CAMTA1: variants seen among roughly 807,000 people sequenced by gnomAD.
The protein encoded by CAMTA1 is calmodulin binding transcription activator 1.
CAMTA1 carries 27 observed loss-of-function variants against 170.9 expected under a neutral mutation model. That is an observed-to-expected ratio of 0.16 (90% CI 0.12 to 0.22). CAMTA1 has a LOEUF of 0.22. Among genes scored for constraint, CAMTA1 ranks in the 10% least tolerant of loss-of-function variants. The probability of loss-of-function intolerance (pLI) is 1.00; values close to 1 mark genes in which losing one functional copy is unlikely to be tolerated. For missense variants in CAMTA1, 1,619 were observed against 2,217.2 expected (o/e 0.73, Z 5.42); for synonymous variants, 833 against 891.5 (o/e 0.93, Z 1.17).
intron 4 of CAMTA1, among the ~76,000 whole-genome samples, chr1:7,229,746 G>T (rs775009639): frequency 6.6e-6 from 1 of 152,046 alleles, no homozygotes. Context: ...CCTTCATGAA[G>T]AACTCAATTC....
chr1:7,226,112 C>T (rs2149165368), intron 4 of CAMTA1, among the ~76,000 whole-genome samples: 1 of 152,286 alleles, frequency 6.6e-6, no homozygotes, highest in South Asian at 2.1e-4. Context: ...GGCTTTTTAA[C>T]TCTGCTCAAT....
chr1:7,737,262 C>G lies in CAMTA1; in HGVS notation c.3350C>G (p.Ala1117Gly), dbSNP rs149702154. Reference protein sequence around the residue: ...DHFSCTPLMWACALGHLEAAV... With the variant: ...DHFSCTPLMWGCALGHLEAAV... ...TGTCTCCCTGTCTTCTAGATGTGGG[C>G]GTGTGCCCTAGGGCACTTGGAAGCT... Residue 1117 changes from alanine (A) to glycine (G), a missense_variant, in exon 15 of 23, where the codon GCG (alanine) becomes GGG (glycine). Coordinates refer to ENST00000303635, the MANE Select transcript of CAMTA1 (RefSeq NM_015215.4). 1 of 1,612,968 alleles carries G rather than the reference C, an allele frequency of 6.2e-7. No individual in the cohort carries two copies. The highest frequency in any genetic ancestry group is 8.5e-7 in the Non-Finnish European group (1 of 1,179,360).
intron 3 of CAMTA1, among the ~76,000 whole-genome samples, chr1:6,991,685 T>G (rs1696393931): frequency 6.6e-6 from 1 of 152,204 alleles, no homozygotes; most frequent in African/African-American, 2.4e-5. Flanking sequence ...TTTATTTTTA[T>G]TTATTTGTTT....
rs1022723428 is a variant in CAMTA1 at position 7,767,975 on chromosome 1, T to G, written c.*1484T>G. 1.3e-5 allele frequency: 2 copies of G among 152,584 alleles called. No individual in the cohort carries two copies. The highest frequency in any genetic ancestry group is 2.9e-5 in the Non-Finnish European group (2 of 67,988). 9.5% of individuals were successfully genotyped at this position (152,584 alleles called of 1,614,324 possible). A position where few individuals can be genotyped will look rare whatever the true frequency, so the allele number is the denominator to read the frequency against. On this transcript the variant is annotated 3_prime_UTR_variant, in exon 23 of 23. Transcript: ENST00000303635. Reference sequence around the variant, plus strand: ...TAGTTTATTTTATTTAAAATTTTTTTGCCAATGGTGCCAAGTAATGTGAAT... The same window carrying G: ...TAGTTTATTTTATTTAAAATTTTTTGGCCAATGGTGCCAAGTAATGTGAAT...
Position 7,725,226 on chromosome 1 carries a change from C to G in CAMTA1, c.2915-7222C>G, listed in dbSNP as rs149224184. On this transcript the variant is annotated intron_variant, in intron 11 of 22. Coordinates refer to ENST00000303635, the MANE Select transcript of CAMTA1 (RefSeq NM_015215.4). ...GCATGAAGGTGAATGTATCCTTCCT[C>G]ATTCCCTGGAACCTTTCAGGAAAAT... 5.8e-3 allele frequency among the ~76,000 whole-genome samples: 884 copies of G among 152,360 alleles called. 6 individuals carry two copies. Among genetic ancestry groups the G allele is most frequent in the Middle Eastern group, 0.01 (3 of 294 alleles).
intron 3 of CAMTA1, among the ~76,000 whole-genome samples, chr1:6,982,212 C>A (rs1694554833): frequency 6.6e-6 from 1 of 152,150 alleles, no homozygotes; most frequent in Non-Finnish European, 1.5e-5. Flanking sequence ...CAGAGCACTC[C>A]CTGAGTGTTC....
At chr1:7,666,524 A>C (rs2096003181) in intron 9 of CAMTA1, among the ~76,000 whole-genome samples, 1 of 152,228 alleles carries the variant, frequency 6.6e-6, no homozygotes, top group Non-Finnish European at 1.5e-5. Context: ...AGAATAGCAC[A>C]GGAAGGGGAC....
At position 6,934,709 on chromosome 1, in the gene CAMTA1, C is replaced by A. The variant is rs947246213; in HGVS notation, c.234+109499C>A. Reference sequence around the variant, plus strand: ...CCTCCCCTCTCTCCCCTCTTATGCCCGCACCATGGCTTTACCTAGCCCTGC... The same window carrying A: ...CCTCCCCTCTCTCCCCTCTTATGCCAGCACCATGGCTTTACCTAGCCCTGC... On this transcript the variant is annotated intron_variant, in intron 3 of 22. Coordinates refer to ENST00000303635, the MANE Select transcript of CAMTA1 (RefSeq NM_015215.4). This position sits in a 1 kb window ranked among gnomAD's most constrained non-coding sequence, Gnocchi z 4.5. Among the ~76,000 whole-genome samples the A allele has an allele frequency of 2.6e-4, 39 of 152,080 alleles. No homozygotes were observed. The highest frequency in any genetic ancestry group is 8.9e-4 in the African/African-American group (37 of 41,410).
At position 7,574,730 on chromosome 1, in the gene CAMTA1, T is replaced by C. The variant is rs2095169833; in HGVS notation, c.511-65670T>C. Among the ~76,000 whole-genome samples the C allele has an allele frequency of 2.0e-5, 3 of 152,304 alleles. No homozygotes were observed. In the South Asian group the frequency reaches 6.2e-4, roughly 32 times the overall value. ...CGTCTGTGCCTTCCTGGGGACAGTCTTTAGACTTTCAGGGGTCAGGTAGAG... is the reference window on the plus strand; with the variant it reads ...CGTCTGTGCCTTCCTGGGGACAGTCCTTAGACTTTCAGGGGTCAGGTAGAG... On this transcript the variant is annotated intron_variant, in intron 6 of 22. Coordinates refer to ENST00000303635, the MANE Select transcript of CAMTA1 (RefSeq NM_015215.4).
chr1:7,734,502 TG>T (rs2096756700), intron 12 of CAMTA1, among the ~76,000 whole-genome samples: 1 of 151,946 alleles, frequency 6.6e-6, no homozygotes, highest in Non-Finnish European at 1.5e-5. Context: ...TGTCCGTGTT[TG>T]CCATGCGGGA....
rs574957449 is a variant in CAMTA1, at chr1:7,456,688, G to A, written c.439-11142G>A. Among the ~76,000 whole-genome samples the A allele has an allele frequency of 1.1e-4, 17 of 152,348 alleles. No individual in the cohort carries two copies. Among genetic ancestry groups the A allele is most frequent in the African/African-American group, 2.4e-4 (10 of 41,576 alleles). On this transcript the variant is annotated intron_variant, in intron 5 of 22. Transcript: ENST00000303635. This position sits in a 1 kb window ranked among gnomAD's most constrained non-coding sequence, Gnocchi z 4.9. The stretch of plus-strand genomic sequence containing the variant: ...GTATCAGGACAGATTTCTGAGACAC[G>A]AAAGGTGCAGGTCTCCAGCTCCCGC...
chr1:6,883,322 A>G (rs1243303967), intron 3 of CAMTA1, among the ~76,000 whole-genome samples: 3 of 151,028 alleles, frequency 2.0e-5, no homozygotes, highest in African/African-American at 4.9e-5. Flanking sequence ...TAAGAGCTGT[A>G]TGAGTGAAAT....
intron 6 of CAMTA1, among the ~76,000 whole-genome samples, chr1:7,514,521 G>C (rs879666315): frequency 2.0e-5 from 3 of 152,334 alleles, no homozygotes; most frequent in Admixed American, 2.0e-4. Context: ...GGCTGGAGGT[G>C]GCCTCCTGGA....
intron 5 of CAMTA1, among the ~76,000 whole-genome samples, chr1:7,462,012 A>G (rs2093101637): frequency 1.3e-5 from 2 of 152,276 alleles, no homozygotes; most frequent in Non-Finnish European, 2.9e-5. Context: ...GAATGTCACT[A>G]GCAGTGATTT....
At chr1:7,690,877 C>T (rs1055618283) in intron 11 of CAMTA1, among the ~76,000 whole-genome samples, 16 of 152,250 alleles carry the variant, frequency 1.1e-4, no homozygotes, top group Admixed American at 1.0e-3. Flanking sequence ...TCCTGTTGCA[C>T]CTGCACTACT....
At chr1:7,473,108 CCA>C (rs2093361918) in intron 6 of CAMTA1, among the ~76,000 whole-genome samples, 1 of 152,274 alleles carries the variant, frequency 6.6e-6, no homozygotes, top group East Asian at 1.9e-4. Flanking sequence ...CCTTCCATCC[CCA>C]GAGTGGTCAG....
chr1:7,281,632 G>A (rs1158438131), intron 5 of CAMTA1, among the ~76,000 whole-genome samples: 1 of 152,116 alleles, frequency 6.6e-6, no homozygotes, highest in Admixed American at 6.5e-5. Context: ...AATTGCAGCA[G>A]CTTAATTTGG....
chr1:7,175,609 G>C (rs1315477336), intron 4 of CAMTA1, among the ~76,000 whole-genome samples: 1 of 152,246 alleles, frequency 6.6e-6, no homozygotes, highest in Non-Finnish European at 1.5e-5. Flanking sequence ...GGGAGGAGCA[G>C]GCAACTGCAC....
intron 5 of CAMTA1, among the ~76,000 whole-genome samples, chr1:7,450,356 C>T (rs527759086): frequency 3.9e-5 from 6 of 152,322 alleles, no homozygotes; most frequent in Admixed American, 3.9e-4. Context: ...GGGAGACTTC[C>T]CTAAAAATCC....
Sources: allele counts gnomAD v4.1 joint callset (sites outside exome capture counted in the v4.1 genomes callset), GRCh38; gene constraint gnomAD v4.1.1; non-coding constraint Gnocchi (gnomAD v3.1); transcripts MANE v1.5; gene names NCBI Gene and HGNC (gene_info 2026-07-23, HGNC 2026-07-21).